The following ZMYND8 variants were observed in gnomAD, a reference collection of about 807,000 sequenced individuals.
The protein encoded by ZMYND8 is zinc finger MYND-type containing 8.
A neutral mutation model predicts 140.8 loss-of-function variants in ZMYND8; 37 were observed. The ratio of observed to expected loss-of-function variants is 0.26; its 90% confidence interval spans 0.20 to 0.35. The LOEUF (loss-of-function observed/expected upper bound fraction) is 0.35, where lower values mean the gene tolerates loss of function less well. Among genes scored for constraint, ZMYND8 ranks in the 10% least tolerant of loss-of-function variants. The pLI is 1.00. For missense variants in ZMYND8, 1,068 were observed against 1,570.0 expected (o/e 0.68, Z 5.40); for synonymous variants, 592 against 597.1 (o/e 0.99, Z 0.12).
At position 47,340,649 on chromosome 20, in the gene ZMYND8, C is replaced by T. The variant is rs565125208; in HGVS notation, c.85+7207G>A. ...TCTCTACTAAAAATTAAAAAATTAGCTGGGTGTGGCGGCGTATGCCCCAGC... is the reference window on the plus strand; with the variant it reads ...TCTCTACTAAAAATTAAAAAATTAGTTGGGTGTGGCGGCGTATGCCCCAGC... On this transcript the variant is annotated intron_variant, in intron 2 of 22. Transcript: ENST00000471951. 9.2e-5 allele frequency among the ~76,000 whole-genome samples: 14 copies of T among 152,082 alleles called. No individual in the cohort carries two copies. The East Asian group carries it at 2.1e-3, about 23-fold the overall frequency.
chr20:47,240,700 G>A (rs1341804398), intron 14 of ZMYND8, among the ~76,000 whole-genome samples: 5 of 150,196 alleles, frequency 3.3e-5, no homozygotes, highest in African/African-American at 7.3e-5. Context: ...GATTACAGGC[G>A]CCTGCCACCG....
chr20:47,352,204 T>C (rs1039568105), intron 1 of ZMYND8, among the ~76,000 whole-genome samples: 3 of 152,152 alleles, frequency 2.0e-5, no homozygotes, highest in Non-Finnish European at 2.9e-5. Context: ...TCTCAGTCTA[T>C]TAGAAACCAG....
At chr20:47,311,608 G>T (rs996689117) in intron 2 of ZMYND8, among the ~76,000 whole-genome samples, 2 of 151,820 alleles carry the variant, frequency 1.3e-5, no homozygotes, top group African/African-American at 4.8e-5. Flanking sequence ...AGATTGTTGG[G>T]TCAAAGGCCA....
chr20:47,300,136 C>G (rs1338011817), intron 3 of ZMYND8, among the ~76,000 whole-genome samples: 1 of 152,144 alleles, frequency 6.6e-6, no homozygotes, highest in Non-Finnish European at 1.5e-5. Context: ...CACAAAAACT[C>G]ACTCAGGAGA....
chr20:47,333,110 A>T (rs955589661), intron 2 of ZMYND8, among the ~76,000 whole-genome samples: 2 of 151,636 alleles, frequency 1.3e-5, no homozygotes, highest in African/African-American at 4.8e-5. Flanking sequence ...ACTTCAGGAG[A>T]CTAAGGCCAG....
At chr20:47,228,994 A>T (rs1601017610) in intron 17 of ZMYND8, among the ~76,000 whole-genome samples, 1 of 147,058 alleles carries the variant, frequency 6.8e-6, no homozygotes, top group Middle Eastern at 3.6e-3. Context: ...AGATAGCTTA[A>T]TTTTTTTTTT....
At chr20:47,234,186 C>T (rs559606066) in intron 16 of ZMYND8, among the ~76,000 whole-genome samples, 1 of 152,244 alleles carries the variant, frequency 6.6e-6, no homozygotes, top group Non-Finnish European at 1.5e-5. Context: ...GTAGCTGGGA[C>T]TACAGGCGCA....
intron 21 of ZMYND8, among the ~76,000 whole-genome samples, chr20:47,216,218 G>GA: frequency 6.6e-6 from 1 of 152,324 alleles, no homozygotes; most frequent in Non-Finnish European, 1.5e-5. Context: ...CCTCTGGCCA[G>GA]GCACGGTGGC....
intron 11 of ZMYND8, 149 bp from the exon 12 acceptor site, chr20:47,262,577 C>T (rs1299147571): frequency 4.5e-6 from 5 of 1,115,560 alleles, no homozygotes; most frequent in Non-Finnish European, 6.3e-6. Context: ...TGGGGTGGAG[C>T]ATAGCAGGTT....
chr20:47,255,239 C>A (rs143212687), intron 12 of ZMYND8, among the ~76,000 whole-genome samples: 49 of 152,152 alleles, frequency 3.2e-4, no homozygotes, highest in African/African-American at 1.1e-3. Context: ...TAAAAACTTG[C>A]AACAGTGGTG....
chr20:47,229,829 A>G, intron 16 of ZMYND8, 23 bp from the exon 17 acceptor site: 4 of 1,590,694 alleles, frequency 2.5e-6, no homozygotes, highest in Non-Finnish European at 3.4e-6. Context: ...AACAGAAACA[A>G]TTCAGCTGAT....
intron 21 of ZMYND8, 114 bp from the exon 22 acceptor site, chr20:47,212,839 G>A: frequency 1.1e-6 from 1 of 894,820 alleles, no homozygotes; most frequent in South Asian, 1.7e-5. Context: ...GAACCAGTTG[G>A]CACCTTCATT....
In ZMYND8 at chr20:47,318,217, C is replaced by G. The variant is rs545902267; in HGVS notation, c.86-8013G>C. 1.3e-4 allele frequency among the ~76,000 whole-genome samples: 20 copies of G among 152,236 alleles called. 1 individual carries two copies. In the South Asian group the frequency reaches 2.5e-3, roughly 19 times the overall value. ...CTGCATTTCAATCAGACTGAAAATG[C>G]CAGGTTTCCCCCAGTAACTGTGAAG... On this transcript the variant is annotated intron_variant, in intron 2 of 22. Coordinates refer to ENST00000471951, the MANE Select transcript of ZMYND8 (RefSeq NM_001281775.3).
Position 47,210,629 on chromosome 20 carries a change from C to T in ZMYND8, c.*132G>A. ...AGTGTAGCAGCCCCCGCGCCGGGGG[C>T]TCAGGCTCAACTGAGGGTTTTGTCA... On this transcript the variant is annotated 3_prime_UTR_variant, in exon 23 of 23. Transcript: ENST00000471951. 6.7e-7 allele frequency: 1 copy of T among 1,503,440 alleles called. No individual in the cohort carries two copies. The highest frequency in any genetic ancestry group is 9.2e-7 in the Non-Finnish European group (1 of 1,086,874). 93.1% of individuals were successfully genotyped at this position (1,503,440 alleles called of 1,614,324 possible).
At chr20:47,254,534 A>C (rs1251220883) in intron 12 of ZMYND8, among the ~76,000 whole-genome samples, 1 of 151,972 alleles carries the variant, frequency 6.6e-6, no homozygotes, top group Non-Finnish European at 1.5e-5. Flanking sequence ...AATGAAATGA[A>C]GGCCGATTTC....
chr20:47,335,397 C>A (rs2081312103), intron 2 of ZMYND8, among the ~76,000 whole-genome samples: 1 of 151,870 alleles, frequency 6.6e-6, no homozygotes, highest in Non-Finnish European at 1.5e-5. Context: ...TTGAAGGGGG[C>A]TTATTATCAT....
intron 2 of ZMYND8, among the ~76,000 whole-genome samples, chr20:47,344,623 T>C (rs2082185347): frequency 6.6e-6 from 1 of 152,188 alleles, no homozygotes; most frequent in South Asian, 2.1e-4. Context: ...GAATAAGGGA[T>C]GGCCTTTAGT....
At chr20:47,328,770 A>C (rs1167773734) in intron 2 of ZMYND8, among the ~76,000 whole-genome samples, 1 of 152,200 alleles carries the variant, frequency 6.6e-6, no homozygotes, top group Non-Finnish European at 1.5e-5. Context: ...GTTAGTTTCC[A>C]GTTCTTGGAA....
In ZMYND8 at chr20:47,356,510, A is replaced by G. The variant is rs1602237962; in HGVS notation, c.14+147T>C. 6 of 1,605,398 alleles carry G rather than the reference A, an allele frequency of 3.7e-6. No individual in the cohort carries two copies. The East Asian group carries it at 1.1e-4, about 30-fold the overall frequency. On this transcript the variant is annotated intron_variant, in intron 1 of 22. Coordinates refer to ENST00000471951, the MANE Select transcript of ZMYND8 (RefSeq NM_001281775.3). Reference sequence around the variant, plus strand: ...GAGCCATGTGACCCAAGAAAGCAAAAAAATTCTCTCTAAACAGTTCCAAGT... The same window carrying G: ...GAGCCATGTGACCCAAGAAAGCAAAGAAATTCTCTCTAAACAGTTCCAAGT...
Sources: allele counts gnomAD v4.1 joint callset (sites outside exome capture counted in the v4.1 genomes callset), GRCh38; gene constraint gnomAD v4.1.1; transcripts MANE v1.5; gene names NCBI Gene and HGNC (gene_info 2026-07-23, HGNC 2026-07-21).